TMEM132D: variants seen among roughly 807,000 people sequenced by gnomAD.
TMEM132D encodes transmembrane protein 132D.
Under a neutral mutation model 62.3 loss-of-function variants are expected in TMEM132D, and 21 were observed. That is an observed-to-expected ratio of 0.34 (90% CI 0.24 to 0.49). The LOEUF (loss-of-function observed/expected upper bound fraction) is 0.49. TMEM132D is among the 20% of genes least tolerant of loss of function. TMEM132D has a pLI of 0.99. For synonymous variants in TMEM132D, 621 were observed against 575.6 expected (o/e 1.08, Z -1.13); for missense variants, 1,346 against 1,402.8 (o/e 0.96, Z 0.65).
At chr12:129,786,733 A>G (rs1358121143) in intron 1 of TMEM132D, among the ~76,000 whole-genome samples, 1 of 152,204 alleles carries the variant, frequency 6.6e-6, no homozygotes, top group Non-Finnish European at 1.5e-5. Context: ...TCTACTAAAA[A>G]TACAAATATT....
chr12:129,107,075 G>A (rs1211944714), intron 5 of TMEM132D, among the ~76,000 whole-genome samples: 1 of 152,164 alleles, frequency 6.6e-6, no homozygotes, highest in Non-Finnish European at 1.5e-5. Context: ...ACAGTGCTTG[G>A]CATATAGTAG....
At position 129,700,355 on chromosome 12, in the gene TMEM132D, G is replaced by T. The variant is rs753025858; in HGVS notation, c.423C>A (p.Ser141Arg). The change falls in exon 2 of 9, where the codon AGC becomes AGA. Residue 141 changes from serine to arginine, a missense_variant. By Grantham distance (110) the Ser-to-Arg change is moderately radical (BLOSUM62 -1). Transcript: ENST00000422113. ...AHILRDKVYL[S>R]RPKVQVLFHI... The stretch of plus-strand genomic sequence containing the variant: ...GGAACAGAACCTGCACTTTGGGCCG[G>T]CTCAGGTAGACTTTGTCCCGCAGGA... The T allele has an allele frequency of 1.2e-6, 2 of 1,613,910 alleles. No homozygotes were observed. The highest frequency in any genetic ancestry group is 2.7e-5 in the African/African-American group (2 of 74,936).
At chr12:129,673,659 C>G (rs577697431) in intron 2 of TMEM132D, among the ~76,000 whole-genome samples, 73 of 152,300 alleles carry the variant, frequency 4.8e-4, no homozygotes, top group African/African-American at 1.7e-3. Context: ...AGTGAGGAGA[C>G]AGTCAAAGAA....
chr12:129,902,929 C>A (rs1489399122), intron 1 of TMEM132D, among the ~76,000 whole-genome samples: 1 of 152,214 alleles, frequency 6.6e-6, no homozygotes, highest in Non-Finnish European at 1.5e-5. Flanking sequence ...CCTCCAGAGG[C>A]CACCTTTCCT....
intron 2 of TMEM132D, among the ~76,000 whole-genome samples, chr12:129,675,695 G>C (rs1565945031): frequency 1.3e-5 from 2 of 152,124 alleles, no homozygotes; most frequent in South Asian, 4.2e-4. Flanking sequence ...AGACATTTTT[G>C]GTTGTCAGGA....
intron 2 of TMEM132D, among the ~76,000 whole-genome samples, chr12:129,612,073 G>C (rs533413432): frequency 6.6e-6 from 1 of 152,304 alleles, no homozygotes. Flanking sequence ...TGCAATGGTG[G>C]ACCAAGGACA....
chr12:129,768,483 A>AAATTTTTAATTTTTAAGT (rs1870628550), intron 1 of TMEM132D, among the ~76,000 whole-genome samples: 1 of 151,120 alleles, frequency 6.6e-6, no homozygotes, highest in Non-Finnish European at 1.5e-5. Context: ...TTAAGGAACC[A>AAATTTTTAATTTTTAAGT]TCCTTAAAAA....
At chr12:129,870,794 C>T (rs546013833) in intron 1 of TMEM132D, among the ~76,000 whole-genome samples, 7 of 152,190 alleles carry the variant, frequency 4.6e-5, no homozygotes, top group African/African-American at 1.7e-4. Context: ...AGGGTATAAC[C>T]TTAAAATAGA....
At chr12:129,257,915 C>T (rs1408515906) in intron 4 of TMEM132D, among the ~76,000 whole-genome samples, 4 of 152,144 alleles carry the variant, frequency 2.6e-5, no homozygotes, top group Admixed American at 6.5e-5. Context: ...AGAGGCTCCC[C>T]GGACAGTACC....
intron 4 of TMEM132D, among the ~76,000 whole-genome samples, chr12:129,213,856 G>A (rs1473350621): frequency 2.6e-5 from 4 of 152,178 alleles, no homozygotes; most frequent in African/African-American, 9.7e-5. Context: ...TCAACATGAG[G>A]TTTGGGGGAA....
At chr12:129,352,663 C>T (rs145136480) in intron 3 of TMEM132D, among the ~76,000 whole-genome samples, 4,170 of 152,234 alleles carry the variant, frequency 0.027, 70 homozygotes, top group Non-Finnish European at 0.042. Flanking sequence ...TGAAAAAAAG[C>T]TCATCATCAC....
At chr12:129,874,109 G>A (rs1038131107) in intron 1 of TMEM132D, among the ~76,000 whole-genome samples, 1 of 152,208 alleles carries the variant, frequency 6.6e-6, no homozygotes, top group Admixed American at 6.5e-5. Context: ...TGTAGGTAAT[G>A]AGGCCGTATT....
chr12:129,157,419 A>G (rs1430472017), intron 5 of TMEM132D, among the ~76,000 whole-genome samples: 1 of 152,248 alleles, frequency 6.6e-6, no homozygotes, highest in Non-Finnish European at 1.5e-5. Context: ...GCCTCAGTAC[A>G]TTCCTATTTA....
At chr12:129,434,532 G>T (rs114630809) in intron 3 of TMEM132D, among the ~76,000 whole-genome samples, 1 of 152,074 alleles carries the variant, frequency 6.6e-6, no homozygotes, top group Non-Finnish European at 1.5e-5. Context: ...CTAAGGGGGC[G>T]TGTCTCAGTA....
intron 2 of TMEM132D, among the ~76,000 whole-genome samples, chr12:129,627,273 A>AT (rs1216538489): frequency 2.6e-5 from 4 of 152,208 alleles, no homozygotes; most frequent in African/African-American, 9.7e-5. Flanking sequence ...ATAATACCAT[A>AT]TTTTGACTGT....
intron 5 of TMEM132D, among the ~76,000 whole-genome samples, chr12:129,128,441 G>A (rs1246214778): frequency 1.3e-5 from 2 of 152,136 alleles, no homozygotes; most frequent in Non-Finnish European, 2.9e-5. Context: ...GAGCGAGAGA[G>A]TGACTGGGGA....
chr12:129,169,584 T>C (rs1223477831), intron 5 of TMEM132D, among the ~76,000 whole-genome samples: 1 of 152,250 alleles, frequency 6.6e-6, no homozygotes, highest in Non-Finnish European at 1.5e-5. Flanking sequence ...GATTGCATCT[T>C]AAATGACACA....
At chr12:129,336,409 C>G (rs1025784365) in intron 4 of TMEM132D, among the ~76,000 whole-genome samples, 3 of 152,030 alleles carry the variant, frequency 2.0e-5, no homozygotes, top group East Asian at 1.9e-4. Context: ...AACCCTGTCT[C>G]TACTAAAAAT....
At chr12:129,287,352 T>C (rs1881330437) in intron 4 of TMEM132D, among the ~76,000 whole-genome samples, 1 of 152,148 alleles carries the variant, frequency 6.6e-6, no homozygotes, top group African/African-American at 2.4e-5. Context: ...AGGAAGGGAA[T>C]GATGGTAATA....
Sources: allele counts gnomAD v4.1 joint callset (sites outside exome capture counted in the v4.1 genomes callset), GRCh38; gene constraint gnomAD v4.1.1; transcripts MANE v1.5; gene names NCBI Gene and HGNC (gene_info 2026-07-23, HGNC 2026-07-21).